The following CTSB variants were observed in gnomAD, a reference collection of about 807,000 sequenced individuals.
The protein encoded by CTSB is APP secretase.
CTSB carries 57 observed loss-of-function variants against 44.3 expected under a neutral mutation model. That is an observed-to-expected ratio of 1.29 (90% CI 1.04 to 1.60). The LOEUF is 1.60. Ranked by LOEUF, CTSB falls within the 40% of genes most tolerant of loss-of-function variation. The pLI is 0.00. For synonymous variants in CTSB, 320 were observed against 168.0 expected, an observed-to-expected ratio of 1.91 and a Z score of -7.00; for missense variants, 768 against 443.0, an observed-to-expected ratio of 1.73 and a Z score of -6.59.
In CTSB at chr8:11,844,846, G is replaced by C. The variant is rs1812951054; in HGVS notation, c.*279C>G. Reference sequence around the variant, plus strand: ...CTGGAGATGGATGGATCACGGAGGGGGCCACAGTCAGCTGGGGCAGCAGGT... The same window carrying C: ...CTGGAGATGGATGGATCACGGAGGGCGCCACAGTCAGCTGGGGCAGCAGGT... On this transcript the variant is annotated 3_prime_UTR_variant, in exon 10 of 10. Coordinates refer to ENST00000353047, the MANE Select transcript of CTSB (RefSeq NM_001908.5). 1 of 411,284 alleles carries C rather than the reference G, an allele frequency of 2.4e-6. No homozygotes were observed. The highest frequency in any genetic ancestry group is 6.7e-4 in the Middle Eastern group (1 of 1,484). 25.5% of individuals were successfully genotyped at this position (411,284 alleles called of 1,614,324 possible).
At chr8:11,858,964 G>A (rs6980952) in intron 1 of CTSB, among the ~76,000 whole-genome samples, 5 of 151,834 alleles carry the variant, frequency 3.3e-5, no homozygotes, top group East Asian at 1.9e-4. Context: ...CTTATTTCAC[G>A]AGGGAAGGAT....
chr8:11,852,380 A>T (rs1814750499), intron 3 of CTSB, among the ~76,000 whole-genome samples: 1 of 152,188 alleles, frequency 6.6e-6, no homozygotes, highest in Non-Finnish European at 1.5e-5. Flanking sequence ...AAAACCAAAA[A>T]AAAGCACCAG....
At chr8:11,864,905 T>C (rs1413758124) in intron 1 of CTSB, among the ~76,000 whole-genome samples, 1 of 147,492 alleles carries the variant, frequency 6.8e-6, no homozygotes, top group Admixed American at 6.8e-5. Flanking sequence ...AGAGTGAAAC[T>C]GTCTCAAAAA....
Position 11,845,714 on chromosome 8 carries a change from C to T in CTSB, c.869G>A (p.Gly290Asp), listed in dbSNP as rs758576243. 1.9e-6 allele frequency: 3 copies of T among 1,614,128 alleles called. No individual in the cohort carries two copies. Among genetic ancestry groups the T allele is most frequent in the Non-Finnish European group, 2.5e-6 (3 of 1,179,952 alleles). Reference protein sequence around the residue: ...IRILGWGVENGTPYWLVANSW... With the variant: ...IRILGWGVENDTPYWLVANSW... ...GTTGGCAACCAGCCAGTAGGGTGTG[C>T]CATTCTCCACTCCCCAGCCCAGGAT... is the stretch of plus-strand genomic sequence containing the variant. The change falls in exon 9 of 10, where the codon GGC (glycine) becomes GAC (aspartate). Residue 290 changes from glycine to aspartate, a missense_variant. Physicochemically the swap from Gly to Asp is moderately conservative, Grantham distance 94. Transcript: ENST00000353047.
At chr8:11,853,025 CG>C (rs1360320104) in intron 2 of CTSB, among the ~76,000 whole-genome samples, 1 of 152,142 alleles carries the variant, frequency 6.6e-6, no homozygotes, top group Admixed American at 6.6e-5. Context: ...TGTGCCACGG[CG>C]GGCGTCACAG....
At position 11,847,738 on chromosome 8, in the gene CTSB, T is replaced by A; in HGVS notation, c.617A>T (p.Lys206Met). 6.2e-7 allele frequency: 1 copy of A among 1,600,838 alleles called. No individual in the cohort carries two copies. The highest frequency in any genetic ancestry group is 8.5e-7 in the Non-Finnish European group (1 of 1,175,604). ...GCCAGGCTCACAGATCTTGCTACAC[T>A]TGGGGGTATCTCCCTCCCCCGTGCA... ...PPCTGEGDTP[K>M]CSKICEPGYS... Residue 206 changes from lysine (K) to methionine (M), a missense_variant, in exon 7 of 10, where the codon AAG (lysine) becomes ATG (methionine). By Grantham distance (95) the Lys-to-Met change is moderately conservative (BLOSUM62 -1). Coordinates refer to ENST00000353047, the MANE Select transcript of CTSB (RefSeq NM_001908.5).
chr8:11,848,729 C>G (rs1038154941), intron 5 of CTSB: 2 of 312,436 alleles, frequency 6.4e-6, no homozygotes, highest in Non-Finnish European at 1.3e-5. Context: ...ATGCCCCAAA[C>G]TGGTTCCCCA....
chr8:11,849,828 G>C (rs1814222719), intron 4 of CTSB, among the ~76,000 whole-genome samples: 1 of 151,970 alleles, frequency 6.6e-6, no homozygotes. Flanking sequence ...TGATCCGCCT[G>C]CCTCAGCCTC....
rs1320646008 is a variant in CTSB at position 11,867,992 on chromosome 8, A to G, written c.-26+9T>C. 4 of 152,080 alleles carry G rather than the reference A, an allele frequency of 2.6e-5. No homozygotes were observed. The highest frequency in any genetic ancestry group is 4.4e-5 in the Non-Finnish European group (3 of 68,106). 9.4% of individuals were successfully genotyped at this position (152,080 alleles called of 1,614,324 possible). On this transcript the variant is annotated intron_variant, in intron 1 of 9. Transcript: ENST00000353047. ...TACGCTGCGGTGGCCCCGGGTCCCCAGCACTCACCCAGCGCTGCAGCCGAG... is the reference window on the plus strand; with the variant it reads ...TACGCTGCGGTGGCCCCGGGTCCCCGGCACTCACCCAGCGCTGCAGCCGAG...
chr8:11,848,196 C>T, intron 5 of CTSB, 44 bp from the exon 6 acceptor site: 2 of 1,525,730 alleles, frequency 1.3e-6, no homozygotes, highest in Non-Finnish European at 1.8e-6. Flanking sequence ...AGAAGCACCA[C>T]CAGCTCTCCA....
intron 8 of CTSB, 61 bp from the exon 9 acceptor site, chr8:11,845,850 C>T: frequency 6.6e-7 from 1 of 1,510,192 alleles, no homozygotes; most frequent in Non-Finnish European, 8.9e-7. Context: ...CCCACAGCAC[C>T]CCCCACACTC....
At chr8:11,845,496 C>G (rs187694088) in intron 9 of CTSB, among the ~76,000 whole-genome samples, 165 bp downstream of exon 9, 2 of 152,212 alleles carry the variant, frequency 1.3e-5, no homozygotes, top group Non-Finnish European at 2.9e-5. Context: ...TCTGCCCTCA[C>G]AGCAAAAGGG....
Position 11,845,652 on chromosome 8 carries a change from G to T in CTSB, c.922+9C>A. ...CACTGTTCTTGGCAGGAAGGGGGCA[G>T]CCACTCACCATTGTCACCCCAGTCA... On this transcript the variant is annotated intron_variant, in intron 9 of 9. Coordinates refer to ENST00000353047, the MANE Select transcript of CTSB (RefSeq NM_001908.5). The T allele has an allele frequency of 6.2e-7, 1 of 1,611,520 alleles. No homozygotes were observed. The highest frequency in any genetic ancestry group is 8.5e-7 in the Non-Finnish European group (1 of 1,178,090).
rs1813768613 is a variant in CTSB, at chr8:11,848,009, ATGG to A, written c.532+55_532+57del. 2.8e-6 allele frequency: 4 copies of A among 1,442,226 alleles called. No individual in the cohort carries two copies. In the African/African-American group the frequency reaches 5.6e-5, roughly 20 times the overall value. 89.3% of individuals were successfully genotyped at this position (1,442,226 alleles called of 1,614,324 possible). A position where few individuals can be genotyped will look rare whatever the true frequency, so the allele number is the denominator to read the frequency against. On this transcript the variant is annotated intron_variant, in intron 6 of 9. Transcript: ENST00000353047. ...GTTTATAAAGGCAAATAAAGCCATGATGGTTAATTGCTCAAACAATCCATCTGG... is the reference window on the plus strand; with the variant it reads ...GTTTATAAAGGCAAATAAAGCCATGATTAATTGCTCAAACAATCCATCTGG...
At chr8:11,855,264 C>T (rs1176030174) in intron 1 of CTSB, among the ~76,000 whole-genome samples, 1 of 152,178 alleles carries the variant, frequency 6.6e-6, no homozygotes, top group African/African-American at 2.4e-5. Context: ...TCGTGATCCA[C>T]CTGACTCAGC....
intron 3 of CTSB, among the ~76,000 whole-genome samples, chr8:11,852,224 A>G (rs1814722642): frequency 6.6e-6 from 1 of 152,116 alleles, no homozygotes; most frequent in African/African-American, 2.4e-5. Flanking sequence ...TACAAATATT[A>G]GCCGTGCACG....
At chr8:11,845,817 G>T (rs376729846) in intron 8 of CTSB, 28 bp from the exon 9 acceptor site, 5 of 1,594,052 alleles carry the variant, frequency 3.1e-6, no homozygotes, top group Admixed American at 1.7e-5. Context: ...GGCTGAGACC[G>T]AGACCGGGCC....
chr8:11,844,906 G>C lies in CTSB; in HGVS notation c.*219C>G, dbSNP rs1028149427. ...GGCACTAGTCTACAGGGGGAAGGAC[G>C]CTCTGTGCTGGCAGCGGTGGCTCAC... is the stretch of plus-strand genomic sequence containing the variant. On this transcript the variant is annotated 3_prime_UTR_variant, in exon 10 of 10. Transcript: ENST00000353047. 3.6e-6 allele frequency: 2 copies of C among 561,324 alleles called. No homozygotes were observed. The highest frequency in any genetic ancestry group is 6.4e-6 in the Non-Finnish European group (2 of 313,534). 34.8% of individuals were successfully genotyped at this position (561,324 alleles called of 1,614,324 possible).
At position 11,847,203 on chromosome 8, in the gene CTSB, C is replaced by T. The variant is rs199916386; in HGVS notation, c.677-35G>A. ...GAACCGAGCTCGGGGTTGGGGAGGGCAGTGACCGTGCCTCGTGGCACGCCA... is the reference window on the plus strand; with the variant it reads ...GAACCGAGCTCGGGGTTGGGGAGGGTAGTGACCGTGCCTCGTGGCACGCCA... On this transcript the variant is annotated intron_variant, in intron 7 of 9. Transcript: ENST00000353047. The T allele has an allele frequency of 3.6e-6, 5 of 1,395,752 alleles. No individual in the cohort carries two copies. The East Asian group carries it at 6.9e-5, about 19-fold the overall frequency. 86.5% of individuals were successfully genotyped at this position (1,395,752 alleles called of 1,614,324 possible).
Sources: gnomAD v4.1 joint callset for allele counts (sites outside exome capture counted in the v4.1 genomes callset) on GRCh38, gnomAD v4.1.1 for gene constraint, MANE v1.5 for transcripts, NCBI Gene and HGNC (gene_info 2026-07-23, HGNC 2026-07-21) for gene names.